The following WDR72 variants were observed in gnomAD, a reference collection of about 807,000 sequenced individuals.
The protein encoded by WDR72 is WD repeat-containing protein 72.
WDR72 carries 120 observed loss-of-function variants against 124.2 expected under a neutral mutation model. The ratio of observed to expected loss-of-function variants is 0.97; its 90% CI spans 0.83 to 1.12. The LOEUF (loss-of-function observed/expected upper bound fraction) is 1.12, where lower values mean the gene tolerates loss of function less well. WDR72 is among the 50% of genes most tolerant of loss of function. The pLI, the probability that WDR72 is intolerant of heterozygous loss-of-function variation, is 0.00. For missense variants in WDR72, 1,387 were observed against 1,278.8 expected (o/e 1.08, Z -1.29); for synonymous variants, 452 against 441.7 (o/e 1.02, Z -0.29).
chr15:53,647,441 T>A (rs775218861), intron 14 of WDR72, among the ~76,000 whole-genome samples: 17 of 152,062 alleles, frequency 1.1e-4, no homozygotes, highest in Non-Finnish European at 1.5e-4. Context: ...CCTAAGGAGA[T>A]CCTTAACTTC....
At chr15:53,677,347 A>G (rs2016210788) in intron 13 of WDR72, among the ~76,000 whole-genome samples, 1 of 152,210 alleles carries the variant, frequency 6.6e-6, no homozygotes, top group African/African-American at 2.4e-5. Context: ...CCTAAGTACT[A>G]TAAGCCATTC....
At chr15:53,714,129 G>A (rs1198772817) in intron 6 of WDR72, among the ~76,000 whole-genome samples, 2 of 151,794 alleles carry the variant, frequency 1.3e-5, no homozygotes, top group Non-Finnish European at 2.9e-5. Flanking sequence ...GATTTCCTCT[G>A]TAACGAACAG....
intron 13 of WDR72, among the ~76,000 whole-genome samples, chr15:53,687,445 T>C (rs12915716): frequency 0.034 from 5,193 of 151,398 alleles, 167 homozygotes; most frequent in Non-Finnish European, 0.05. Flanking sequence ...TCTATTCAAA[T>C]AAACTAGAAA....
intron 14 of WDR72, among the ~76,000 whole-genome samples, chr15:53,630,081 T>C (rs1380751406): frequency 8.3e-6 from 1 of 120,262 alleles, no homozygotes; most frequent in Non-Finnish European, 1.6e-5. Context: ...AGAAATACTA[T>C]GAATCTGCCA....
intron 18 of WDR72, among the ~76,000 whole-genome samples, chr15:53,550,827 A>G (rs1893697545): frequency 6.6e-6 from 1 of 152,210 alleles, no homozygotes; most frequent in South Asian, 2.1e-4. Context: ...GGTATTAGAG[A>G]AGTGGTAAAC....
intron 18 of WDR72, among the ~76,000 whole-genome samples, chr15:53,540,668 G>T (rs559076573): frequency 6.6e-6 from 1 of 152,048 alleles, no homozygotes; most frequent in Non-Finnish European, 1.5e-5. Flanking sequence ...GAACAGCTCC[G>T]GTCTACAGCT....
chr15:53,725,963 T>G (rs146157957), intron 2 of WDR72, among the ~76,000 whole-genome samples: 2 of 151,788 alleles, frequency 1.3e-5, no homozygotes, highest in Admixed American at 1.3e-4. Flanking sequence ...TCCCAGCTAC[T>G]TGGGAGGCTG....
intron 14 of WDR72, among the ~76,000 whole-genome samples, chr15:53,641,001 A>AT (rs1253451007): frequency 6.6e-6 from 1 of 151,678 alleles, no homozygotes; most frequent in Admixed American, 6.6e-5. Context: ...AAAAATATTC[A>AT]TTTTTTTCAT....
At chr15:53,587,432 T>C (rs2012270300) in intron 18 of WDR72, among the ~76,000 whole-genome samples, 2 of 152,002 alleles carry the variant, frequency 1.3e-5, no homozygotes, top group Admixed American at 6.6e-5. Context: ...GTCTTATGTA[T>C]ACCACAGCAT....
intron 18 of WDR72, among the ~76,000 whole-genome samples, chr15:53,596,370 A>G (rs1460626106): frequency 6.6e-6 from 1 of 152,168 alleles, no homozygotes; most frequent in Non-Finnish European, 1.5e-5. Flanking sequence ...ACATTTTACA[A>G]CATAAATTTA....
At chr15:53,711,923 T>C (rs1283481571) in intron 7 of WDR72, among the ~76,000 whole-genome samples, 1 of 152,210 alleles carries the variant, frequency 6.6e-6, no homozygotes, top group Non-Finnish European at 1.5e-5. Context: ...CTGAGCCAGT[T>C]ATAAAAAACT....
At chr15:53,687,418 A>G (rs2016675818) in intron 13 of WDR72, among the ~76,000 whole-genome samples, 1 of 151,074 alleles carries the variant, frequency 6.6e-6, no homozygotes, top group Non-Finnish European at 1.5e-5. Flanking sequence ...CTACCATCAG[A>G]GAATACTACA....
At chr15:53,743,973 CA>C (rs11295149) in intron 1 of WDR72, among the ~76,000 whole-genome samples, 60,840 of 128,604 alleles carry the variant, frequency 0.47, 14,092 homozygotes, top group East Asian at 0.76. Context: ...AGACTCGTCT[CA>C]AAAAAAAAAA....
chr15:53,696,592 G>C (rs558935433), intron 13 of WDR72, among the ~76,000 whole-genome samples: 1 of 152,184 alleles, frequency 6.6e-6, no homozygotes, highest in African/African-American at 2.4e-5. Flanking sequence ...GCTTTAGTTC[G>C]TATTTTCCCC....
rs547063817 is a variant in WDR72 at position 53,630,318 on chromosome 15, C to CA, written c.1963-14076dup. Among the ~76,000 whole-genome samples the CA allele has an allele frequency of 1.6e-4, 24 of 151,862 alleles. No individual in the cohort carries two copies. In the East Asian group the frequency reaches 4.3e-3, roughly 27 times the overall value. On this transcript the variant is annotated intron_variant, in intron 14 of 19. Coordinates refer to ENST00000360509, the MANE Select transcript of WDR72 (RefSeq NM_182758.4). Reference sequence around the variant, plus strand: ...AATACCAGTTCTTGATAAATATGTCCAAAAAAATAGAAGTGGTGCGAGAAC... The same window carrying CA: ...AATACCAGTTCTTGATAAATATGTCCAAAAAAAATAGAAGTGGTGCGAGAAC...
intron 15 of WDR72, among the ~76,000 whole-genome samples, chr15:53,614,068 C>T (rs1302792572): frequency 6.6e-6 from 1 of 152,064 alleles, no homozygotes; most frequent in African/African-American, 2.4e-5. Context: ...TTTTAGGTTA[C>T]ATGATTACTG....
intron 19 of WDR72, among the ~76,000 whole-genome samples, chr15:53,519,708 A>T (rs1891677447): frequency 6.6e-6 from 1 of 151,970 alleles, no homozygotes; most frequent in African/African-American, 2.4e-5. Flanking sequence ...GACTCCAGGC[A>T]CTCACCTGGG....
chr15:53,591,057 A>G (rs374401969), intron 18 of WDR72, among the ~76,000 whole-genome samples: 4 of 152,004 alleles, frequency 2.6e-5, no homozygotes, highest in East Asian at 3.9e-4. Context: ...TGGTCTTAGT[A>G]AACAGCTACC....
rs563487401 is a variant in WDR72, at chr15:53,632,867, A to C, written c.1963-16624T>G. Among the ~76,000 whole-genome samples the C allele has an allele frequency of 1.6e-4, 24 of 152,264 alleles. No homozygotes were observed. The South Asian group carries it at 4.8e-3, about 30-fold the overall frequency. On this transcript the variant is annotated intron_variant, in intron 14 of 19. Coordinates refer to ENST00000360509, the MANE Select transcript of WDR72 (RefSeq NM_182758.4). ...CCCTTAGGAATCTGAGTATTTACCC[A>C]ATGTTTGTACCCCCATTGTATCTTG...
Sources: allele counts gnomAD v4.1 joint callset (sites outside exome capture counted in the v4.1 genomes callset), GRCh38; gene constraint gnomAD v4.1.1; transcripts MANE v1.5; gene names NCBI Gene and HGNC (gene_info 2026-07-23, HGNC 2026-07-21).